Variants in SARDH observed in about 807,000 individuals in gnomAD.
SARDH encodes sarcosine dehydrogenase.
A neutral mutation model predicts 109.1 loss-of-function variants in SARDH; 95 were observed. That is an observed-to-expected ratio of 0.87 (90% confidence interval 0.74 to 1.03). The LOEUF is 1.03. Ranked by LOEUF, SARDH falls within the 50% of genes least tolerant of loss-of-function variation. SARDH has a pLI of 0.00. For missense variants in SARDH, 1,267 were observed against 1,287.8 expected (o/e 0.98, Z 0.25); for synonymous variants, 572 against 534.8 (o/e 1.07, Z -0.96).
Position 133,663,610 on chromosome 9 carries a change from G to T in SARDH, c.*279C>A. 2.2e-6 allele frequency: 1 copy of T among 444,454 alleles called. No individual in the cohort carries two copies. The highest frequency in any genetic ancestry group is 4.0e-6 in the Non-Finnish European group (1 of 249,598). The allele number at this position is 444,454 out of a possible 1,614,324, so 27.5% of individuals were successfully genotyped here. A position where few individuals can be genotyped will look rare whatever the true frequency, so the allele number is the denominator to read the frequency against. On this transcript the variant is annotated 3_prime_UTR_variant, in exon 21 of 21. Transcript: ENST00000439388. ...TTACTAAGCACCTTCTAGAAGCTTG[G>T]AAAGGGCTACAAGCCATGGTCCCTG...
At chr9:133,702,827 C>T in intron 13 of SARDH, 89 bp downstream of exon 13, 1 of 1,163,520 alleles carries the variant, frequency 8.6e-7, no homozygotes, top group East Asian at 2.4e-5. Flanking sequence ...GGAGGGGAGC[C>T]CCTGCAGGGC....
chr9:133,697,568 C>T (rs1191165284), intron 13 of SARDH, among the ~76,000 whole-genome samples: 2 of 152,292 alleles, frequency 1.3e-5, no homozygotes, highest in East Asian at 1.9e-4. Flanking sequence ...AAAGAGATTA[C>T]ACACCATGAT....
downstream of SARDH, among the ~76,000 whole-genome samples, chr9:133,660,537 T>A (rs974499424): frequency 3.3e-5 from 5 of 152,216 alleles, no homozygotes; most frequent in African/African-American, 9.6e-5. Context: ...GACTCTGGGC[T>A]CGCCCACCTT....
At position 133,704,847 on chromosome 9, in the gene SARDH, GAGGC is replaced by G. The variant is rs1831627473; in HGVS notation, c.1554+97_1554+100del. The G allele has an allele frequency of 7.2e-6, 7 of 975,248 alleles. No homozygotes were observed. The African/African-American group carries it at 1.1e-4, about 16-fold the overall frequency. The allele number at this position is 975,248 out of a possible 1,614,324, so 60.4% of individuals were successfully genotyped here. On this transcript the variant is annotated intron_variant, in intron 12 of 20. Coordinates refer to ENST00000439388, the MANE Select transcript of SARDH (RefSeq NM_001134707.2). The surrounding 1 kb of genome is among the most constrained non-coding windows in gnomAD (Gnocchi z 4.5). The stretch of plus-strand genomic sequence containing the variant: ...GATCACGACAGTGGAACCACCTGGG[GAGGC>G]GGGGCACACGGAGGGGCAAGGACGG...
intron 17 of SARDH, among the ~76,000 whole-genome samples, chr9:133,682,442 C>T (rs578257665): frequency 1.3e-5 from 2 of 152,320 alleles, no homozygotes; most frequent in African/African-American, 4.8e-5. Context: ...GAGGGGTTTT[C>T]GCTAACTCAT....
At chr9:133,662,575 G>A (rs899372202), downstream of SARDH, among the ~76,000 whole-genome samples, 10 of 152,194 alleles carry the variant, frequency 6.6e-5, no homozygotes, top group Admixed American at 2.6e-4. The surrounding 1 kb of genome is among the most constrained non-coding windows in gnomAD (Gnocchi z 5.1). Flanking sequence ...GACTCAGGGG[G>A]CCAAACCCAC....
rs1832573678 is a variant in SARDH at position 133,728,672 on chromosome 9, AC to A, written c.915+1092del. The stretch of plus-strand genomic sequence containing the variant: ...CTTGTCTGTACCTCCCCCCAGCTCT[AC>A]CCAGCAAGAACTAGGTGTCTGTCTG... On this transcript the variant is annotated intron_variant, in intron 6 of 20. Transcript: ENST00000439388. This position sits in a 1 kb window ranked among gnomAD's most constrained non-coding sequence, Gnocchi z 5.0. Among the ~76,000 whole-genome samples the A allele has an allele frequency of 6.6e-6, 1 of 152,164 alleles. No homozygotes were observed. The highest frequency in any genetic ancestry group is 2.4e-5 in the African/African-American group (1 of 41,412).
chr9:133,705,307 C>T (rs1282747188), intron 11 of SARDH, among the ~76,000 whole-genome samples: 4 of 118,664 alleles, frequency 3.4e-5, no homozygotes, highest in African/African-American at 1.2e-4. Context: ...CCCTGAGAAC[C>T]CCCATCTATA....
At chr9:133,661,724 G>GC (rs1245345818), downstream of SARDH, among the ~76,000 whole-genome samples, 1 of 151,914 alleles carries the variant, frequency 6.6e-6, no homozygotes, top group South Asian at 2.1e-4. Context: ...CAGGTGATCC[G>GC]CCCCCCTCGG....
In SARDH at chr9:133,730,183, A is replaced by G. The variant is rs768642337; in HGVS notation, c.695T>C (p.Ile232Thr). The stretch of plus-strand genomic sequence containing the variant: ...AATGCCGGTCACTGGGCAGTTCTCA[A>G]TGACCTGGAATTGAGAGGAACTGCT... ...RAASARGAQV[I>T]ENCPVTGIRV... Residue 232 changes from isoleucine (I) to threonine (T), a missense_variant, in exon 5 of 21, where the codon ATT becomes ACT. Coordinates refer to ENST00000439388, the MANE Select transcript of SARDH (RefSeq NM_001134707.2). The G allele has an allele frequency of 6.2e-7, 1 of 1,614,136 alleles. No homozygotes were observed. The highest frequency in any genetic ancestry group is 8.5e-7 in the Non-Finnish European group (1 of 1,180,020).
chr9:133,730,146 C>T lies in SARDH; in HGVS notation c.732G>A (p.Thr244=), dbSNP rs750407109. The T allele has an allele frequency of 1.3e-4, 203 of 1,614,122 alleles. 1 individual carries two copies. The Admixed American group carries it at 2.6e-3, about 20-fold the overall frequency. ...CGACCCGCCGCACCCCAAAATCATC[C>T]GTCCACACACGAATGCCGGTCACTG... ...NCPVTGIRVW[T]DDFGVRRVAG... Residue 244 remains threonine (T), a synonymous_variant, in exon 5 of 21, where the codon ACG becomes ACA. Coordinates refer to ENST00000439388, the MANE Select transcript of SARDH (RefSeq NM_001134707.2).
intron 16 of SARDH, among the ~76,000 whole-genome samples, chr9:133,688,127 G>A (rs969120792): frequency 6.6e-6 from 1 of 152,228 alleles, no homozygotes. Context: ...AGGATTCCAA[G>A]GACCAGGCCT....
At chr9:133,716,074 C>T (rs1023125575) in intron 8 of SARDH, among the ~76,000 whole-genome samples, 1 of 152,224 alleles carries the variant, frequency 6.6e-6, no homozygotes, top group African/African-American at 2.4e-5. Flanking sequence ...TGCTCCCCTG[C>T]TCAGATCACG....
rs2131389101 is a variant in SARDH, at chr9:133,693,446, G to A, written c.1921+812C>T. 1.3e-5 allele frequency among the ~76,000 whole-genome samples: 2 copies of A among 152,346 alleles called. No individual in the cohort carries two copies. Among genetic ancestry groups the A allele is most frequent in the Middle Eastern group, 6.8e-3 (2 of 294 alleles). On this transcript the variant is annotated intron_variant, in intron 15 of 20. Coordinates refer to ENST00000439388, the MANE Select transcript of SARDH (RefSeq NM_001134707.2). The surrounding 1 kb of genome is among the most constrained non-coding windows in gnomAD (Gnocchi z 5.6). ...AGAACCAGGAGATGCCAGGTTTTCT[G>A]AATGGGCTGAGCCCTCCCCGCTGAC...
chr9:133,674,755 C>T (rs1227751737), intron 17 of SARDH, among the ~76,000 whole-genome samples: 4 of 152,172 alleles, frequency 2.6e-5, no homozygotes, highest in Admixed American at 6.5e-5. Context: ...GGAACAAAGA[C>T]ACAAGGGTAA....
intron 16 of SARDH, among the ~76,000 whole-genome samples, chr9:133,689,739 C>T (rs541494153): frequency 6.6e-6 from 1 of 151,062 alleles, no homozygotes; most frequent in African/African-American, 2.4e-5. Context: ...CTGTCCCCCA[C>T]CCCCAGTCCC....
intron 6 of SARDH, among the ~76,000 whole-genome samples, chr9:133,721,225 G>A (rs76077011): frequency 1.5e-4 from 23 of 152,314 alleles, no homozygotes; most frequent in East Asian, 1.4e-3. Flanking sequence ...CCAAGGCCAC[G>A]CCGTGGGAAA....
chr9:133,688,438 C>T (rs1377020230), intron 16 of SARDH, among the ~76,000 whole-genome samples: 2 of 152,084 alleles, frequency 1.3e-5, no homozygotes, highest in Non-Finnish European at 2.9e-5. Context: ...CCGTGAGCCG[C>T]ATGGACTCAG....
At chr9:133,660,467 T>C (rs969842631), downstream of SARDH, among the ~76,000 whole-genome samples, 3 of 152,146 alleles carry the variant, frequency 2.0e-5, no homozygotes, top group African/African-American at 7.2e-5. Context: ...GTTCCTTATT[T>C]AGAGGCTTAG....
Sources: gnomAD v4.1 joint callset for allele counts (sites outside exome capture counted in the v4.1 genomes callset) on GRCh38, gnomAD v4.1.1 for gene constraint, Gnocchi (gnomAD v3.1) non-coding constraint, MANE v1.5 for transcripts, NCBI Gene and HGNC (gene_info 2026-07-23, HGNC 2026-07-21) for gene names.